Variants in TMEM266 observed in about 807,000 individuals in gnomAD.
TMEM266 encodes the protein transmembrane protein 266.
A neutral mutation model predicts 50.5 loss-of-function variants in TMEM266; 33 were observed. The ratio of observed to expected loss-of-function variants is 0.65; its 90% CI spans 0.50 to 0.87. The LOEUF (loss-of-function observed/expected upper bound fraction) is 0.87, where lower values mean the gene tolerates loss of function less well. TMEM266 is among the 40% of genes least tolerant of loss of function. The pLI is 0.00. For synonymous variants in TMEM266, 310 were observed against 292.3 expected, an observed-to-expected ratio of 1.06 and a Z score of -0.62; for missense variants, 655 against 695.1, an observed-to-expected ratio of 0.94 and a Z score of 0.65.
intron 1 of TMEM266, among the ~76,000 whole-genome samples, chr15:76,084,605 T>G (rs550696759): frequency 4.0e-5 from 6 of 148,976 alleles, no homozygotes; most frequent in African/African-American, 1.3e-4. Flanking sequence ...TTGGTTTTTT[T>G]TTTTTTGTTT....
intron 5 of TMEM266, among the ~76,000 whole-genome samples, chr15:76,164,042 C>T (rs1410859772): frequency 4.6e-5 from 7 of 152,216 alleles, no homozygotes; most frequent in Admixed American, 1.3e-4. Context: ...CAGTCACTCC[C>T]CCTGCCCCCT....
At chr15:76,176,066 C>T (rs1192785775) in intron 8 of TMEM266, 3 of 170,372 alleles carry the variant, frequency 1.8e-5, no homozygotes, top group Non-Finnish European at 2.5e-5. Flanking sequence ...CATTGCCACG[C>T]GGGACGCCCA....
chr15:76,165,164 C>A (rs1157693366), intron 5 of TMEM266, among the ~76,000 whole-genome samples: 1 of 152,240 alleles, frequency 6.6e-6, no homozygotes, highest in Admixed American at 6.5e-5. Flanking sequence ...ATTTCCCACT[C>A]TCCCCTCCTG....
intron 1 of TMEM266, among the ~76,000 whole-genome samples, chr15:76,079,240 C>T (rs2141989542): frequency 6.6e-6 from 1 of 151,228 alleles, no homozygotes; most frequent in Middle Eastern, 3.5e-3. Context: ...GTAGTCCCAG[C>T]TACTCGGGAG....
chr15:76,106,738 G>C (rs946846837), intron 1 of TMEM266, among the ~76,000 whole-genome samples: 1 of 152,164 alleles, frequency 6.6e-6, no homozygotes, highest in Admixed American at 6.6e-5. Context: ...GAGCCACCAT[G>C]ACCAGCCTAC....
intron 1 of TMEM266, among the ~76,000 whole-genome samples, chr15:76,101,293 A>G (rs1024549809): frequency 1.3e-5 from 2 of 152,206 alleles, no homozygotes; most frequent in African/African-American, 2.4e-5. Context: ...TCTAATTTCC[A>G]TCATCTGAGT....
intron 9 of TMEM266, among the ~76,000 whole-genome samples, chr15:76,199,619 G>T (rs541995879): frequency 6.6e-6 from 1 of 152,338 alleles, no homozygotes; most frequent in Admixed American, 6.5e-5. Context: ...GGATGTGAGG[G>T]TGCATTAGGG....
intron 2 of TMEM266, among the ~76,000 whole-genome samples, chr15:76,137,426 C>T (rs2037607528): frequency 6.6e-6 from 1 of 152,136 alleles, no homozygotes; most frequent in African/African-American, 2.4e-5. Flanking sequence ...CTTTACCTCC[C>T]CTTCATGAAG....
intron 3 of TMEM266, among the ~76,000 whole-genome samples, chr15:76,138,418 C>G (rs1215268921): frequency 6.6e-6 from 1 of 152,032 alleles, no homozygotes; most frequent in Non-Finnish European, 1.5e-5. Flanking sequence ...CAGACGACCT[C>G]TTAGGAGAAT....
intron 9 of TMEM266, among the ~76,000 whole-genome samples, chr15:76,194,950 C>T (rs1353589650): frequency 6.6e-6 from 1 of 152,112 alleles, no homozygotes; most frequent in Non-Finnish European, 1.5e-5. Context: ...CACATAAGAC[C>T]CCTGACGATC....
At chr15:76,186,039 G>C (rs767797208) in intron 8 of TMEM266, among the ~76,000 whole-genome samples, 5 of 152,126 alleles carry the variant, frequency 3.3e-5, no homozygotes, top group Non-Finnish European at 7.4e-5. Context: ...TGTTCTCCTG[G>C]CCCCTGCTAC....
chr15:76,159,487 G>A (rs2142049867), intron 4 of TMEM266, among the ~76,000 whole-genome samples: 1 of 152,222 alleles, frequency 6.6e-6, no homozygotes, highest in South Asian at 2.1e-4. Context: ...CATCCCACTG[G>A]CTCTGCCAAT....
chr15:76,204,443 CCTCCAGGGAGGCG>C lies in TMEM266; in HGVS notation c.*129_*141del. 1 of 903,250 alleles carries C rather than the reference CCTCCAGGGAGGCG, an allele frequency of 1.1e-6. No homozygotes were observed. Among genetic ancestry groups the C allele is most frequent in the South Asian group, 2.0e-5 (1 of 50,240 alleles). The allele number at this position is 903,250 out of a possible 1,614,324, so 56.0% of individuals were successfully genotyped here. On this transcript the variant is annotated 3_prime_UTR_variant, in exon 11 of 11. Transcript: ENST00000388942. ...CTGGCCTCCCTCAGGGTGCTGCCTGCCTCCAGGGAGGCGACGCCAGGCCAGGAGGCCACAAGCT... is the reference window on the plus strand; with the variant it reads ...CTGGCCTCCCTCAGGGTGCTGCCTGCACGCCAGGCCAGGAGGCCACAAGCT...
intron 1 of TMEM266, among the ~76,000 whole-genome samples, chr15:76,095,291 A>G (rs930468928): frequency 6.6e-6 from 1 of 152,082 alleles, no homozygotes; most frequent in Non-Finnish European, 1.5e-5. Flanking sequence ...ACATTCCATC[A>G]ATACCTAGTT....
intron 1 of TMEM266, among the ~76,000 whole-genome samples, chr15:76,098,588 C>G (rs537652830): frequency 2.6e-5 from 4 of 152,214 alleles, no homozygotes; most frequent in South Asian, 4.1e-4. Context: ...CAGTCTGACC[C>G]TTAGCAGAGC....
rs1454106694 is a variant in TMEM266 at position 76,165,168 on chromosome 15, C to T, written c.457-4648C>T. ...CAAGGCTTGGGATTTCCCACTCTCC[C>T]CTCCTGCAGCCTGAAGCCTGGACCC... is the stretch of plus-strand genomic sequence containing the variant. On this transcript the variant is annotated intron_variant, in intron 5 of 10. Coordinates refer to ENST00000388942, the MANE Select transcript of TMEM266 (RefSeq NM_152335.3). 3.3e-5 allele frequency among the ~76,000 whole-genome samples: 5 copies of T among 152,214 alleles called. No homozygotes were observed. The East Asian group carries it at 7.7e-4, about 24-fold the overall frequency.
chr15:76,143,166 C>T (rs1172519834), intron 3 of TMEM266, among the ~76,000 whole-genome samples: 1 of 152,324 alleles, frequency 6.6e-6, no homozygotes, highest in East Asian at 1.9e-4. Flanking sequence ...TTCTCAGGCA[C>T]CTGCTTCATC....
At chr15:76,177,740 G>A (rs576318659) in intron 8 of TMEM266, among the ~76,000 whole-genome samples, 9 of 152,368 alleles carry the variant, frequency 5.9e-5, no homozygotes, top group South Asian at 4.1e-4. Context: ...GCCATATCGC[G>A]TGGTTAGCCA....
At chr15:76,131,933 T>G (rs975694774) in intron 1 of TMEM266, among the ~76,000 whole-genome samples, 1 of 152,214 alleles carries the variant, frequency 6.6e-6, no homozygotes. Flanking sequence ...TTTCTTTAAC[T>G]TGAGCACTCT....
Sources: allele counts gnomAD v4.1 joint callset (sites outside exome capture counted in the v4.1 genomes callset), GRCh38; gene constraint gnomAD v4.1.1; transcripts MANE v1.5; gene names NCBI Gene and HGNC (gene_info 2026-07-23, HGNC 2026-07-21).